Variants in TEX11 observed in about 807,000 individuals in gnomAD.
TEX11 encodes the protein testis expressed 11.
A neutral mutation model predicts 84.4 loss-of-function variants in TEX11; 7 were observed. The observed-to-expected ratio is 0.08, with a 90% CI of 0.05 to 0.16. The LOEUF is 0.16. Ranked by LOEUF, TEX11 falls within the 10% of genes least tolerant of loss-of-function variation. The probability of loss-of-function intolerance (pLI) is 1.00; values close to 1 mark genes in which losing one functional copy is unlikely to be tolerated. For synonymous variants in TEX11, 264 were observed against 222.8 expected, an observed-to-expected ratio of 1.18 and a Z score of -1.64; for missense variants, 551 against 660.5, an observed-to-expected ratio of 0.83 and a Z score of 1.82.
At chrX:70,782,576 C>T (rs1311460306) in intron 9 of TEX11, among the ~76,000 whole-genome samples, 2 of 96,155 alleles carry the variant, frequency 2.1e-5, no homozygotes, top group East Asian at 3.7e-4. Context: ...GGAGACCCAT[C>T]TTACGTGCAG....
chrX:70,565,250 G>GT (rs749188458), intron 25 of TEX11, among the ~76,000 whole-genome samples: 13,340 of 104,319 alleles, frequency 0.13, 725 homozygotes, highest in Middle Eastern at 0.2. Flanking sequence ...TTTTGATGGG[G>GT]TTTTTTTTTT....
rs779357743 is a variant in TEX11, at chrX:70,629,665, T to C, written c.1554A>G (p.Ala518=). The C allele has an allele frequency of 8.3e-7, 1 of 1,199,105 alleles. No homozygotes were observed. The highest frequency in any genetic ancestry group is 2.2e-5 in the Admixed American group (1 of 45,441). ...DEESEDNDLV[A]ERGSPTMLLS... Reference sequence around the variant, plus strand: ...GAAGCATGGTAGGTGAACCTCTCTCTGCAACTAGATCATTATCTTCTGACT... The same window carrying C: ...GAAGCATGGTAGGTGAACCTCTCTCCGCAACTAGATCATTATCTTCTGACT... The change falls in exon 18 of 30, where the codon GCA becomes GCG. Residue 518 remains alanine, a synonymous_variant. Coordinates refer to ENST00000374333, the MANE Select transcript of TEX11 (RefSeq NM_031276.3).
chrX:70,894,354 G>A (rs1478570400), intron 2 of TEX11, among the ~76,000 whole-genome samples: 4 of 110,414 alleles, frequency 3.6e-5, no homozygotes, highest in Non-Finnish European at 5.7e-5. Context: ...CAGGCCAGGC[G>A]CAGTGGCTCA....
At chrX:70,569,392 T>G (rs2088551374) in intron 25 of TEX11, among the ~76,000 whole-genome samples, 1 of 112,199 alleles carries the variant, frequency 8.9e-6, no homozygotes, top group Non-Finnish European at 1.9e-5. Context: ...GTCTGAAGCC[T>G]TCTTCTCTCA....
intron 8 of TEX11, among the ~76,000 whole-genome samples, chrX:70,828,481 T>C (rs73213084): frequency 0.083 from 9,072 of 109,205 alleles, 351 homozygotes; most frequent in African/African-American, 0.15. Context: ...AGCAGCAGAA[T>C]TGATCAAGCA....
intron 7 of TEX11, among the ~76,000 whole-genome samples, chrX:70,844,267 A>C (rs975654290): frequency 1.8e-5 from 2 of 109,974 alleles, no homozygotes; most frequent in Non-Finnish European, 1.9e-5. Context: ...TACACCATGG[A>C]ATACTATGCA....
chrX:70,744,214 C>G lies in TEX11; in HGVS notation c.698G>C (p.Ser233Thr). The G allele has an allele frequency of 5.3e-6, 5 of 941,702 alleles. No homozygotes were observed. Among genetic ancestry groups the G allele is most frequent in the Non-Finnish European group, 6.7e-6 (5 of 743,051 alleles). The allele number at this position is 941,702 out of a possible 1,213,427, so 77.6% of individuals were successfully genotyped here. ...CTTATCCATCTTCCCAATATCATAG[C>G]TTTGGCTATCATTAAAAAGGAAAAA... ...YEESSFWLSQ[S>T]YDIGKMDKKS... Residue 233 changes from serine to threonine, a missense_variant, in exon 10 of 30, where the codon AGC becomes ACC. By Grantham distance (58) the Ser-to-Thr change is moderately conservative (BLOSUM62 1). Coordinates refer to ENST00000374333, the MANE Select transcript of TEX11 (RefSeq NM_031276.3).
At chrX:70,745,609 C>G (rs933325046) in intron 9 of TEX11, among the ~76,000 whole-genome samples, 2 of 111,479 alleles carry the variant, frequency 1.8e-5, no homozygotes, top group African/African-American at 6.5e-5. Context: ...TGGCACATGC[C>G]TGTAATCTCA....
At chrX:70,812,935 T>C (rs1314316803) in intron 8 of TEX11, among the ~76,000 whole-genome samples, 2 of 111,351 alleles carry the variant, frequency 1.8e-5, no homozygotes, top group African/African-American at 6.5e-5. Context: ...TAACAGGCTC[T>C]AAAATTGAGG....
chrX:70,622,996 CTTTTG>C (rs749899631), intron 20 of TEX11, among the ~76,000 whole-genome samples: 1 of 111,940 alleles, frequency 8.9e-6, no homozygotes, highest in Admixed American at 9.5e-5. Flanking sequence ...ATTGCTTCAT[CTTTTG>C]TTTGGTTTGT....
At chrX:70,543,011 C>T (rs1453685054) in intron 28 of TEX11, among the ~76,000 whole-genome samples, 2 of 110,310 alleles carry the variant, frequency 1.8e-5, no homozygotes, top group East Asian at 2.9e-4. Context: ...GAAACCCCGT[C>T]TCTACTAAAA....
chrX:70,709,608 G>T (rs1875962901), intron 13 of TEX11, among the ~76,000 whole-genome samples: 1 of 111,196 alleles, frequency 9.0e-6, no homozygotes, highest in Non-Finnish European at 1.9e-5. Context: ...TAAGTTTATG[G>T]AAAAATAATA....
At chrX:70,882,549 G>A (rs921686112) in intron 2 of TEX11, among the ~76,000 whole-genome samples, 2 of 111,430 alleles carry the variant, frequency 1.8e-5, no homozygotes, top group Non-Finnish European at 3.8e-5. Flanking sequence ...GGGAGGCTGA[G>A]GCAGGTAGAT....
intron 11 of TEX11, among the ~76,000 whole-genome samples, chrX:70,737,828 T>C (rs1401845057): frequency 9.0e-6 from 1 of 111,016 alleles, no homozygotes; most frequent in African/African-American, 3.3e-5. Context: ...CGTGAAGAAA[T>C]TGCAACCCTT....
intron 20 of TEX11, among the ~76,000 whole-genome samples, chrX:70,621,026 T>C (rs1164169613): frequency 9.0e-6 from 1 of 111,130 alleles, no homozygotes; most frequent in African/African-American, 3.3e-5. Flanking sequence ...ACCCATAGAA[T>C]GTACAACATC....
At chrX:70,818,325 G>GAAA (rs2091300805) in intron 8 of TEX11, among the ~76,000 whole-genome samples, 3 of 109,270 alleles carry the variant, frequency 2.7e-5, no homozygotes, top group Admixed American at 9.8e-5. Context: ...AGAAGAAGAA[G>GAAA]AAGCTGAAGC....
intron 25 of TEX11, among the ~76,000 whole-genome samples, chrX:70,579,839 G>A (rs1357312903): frequency 8.9e-6 from 1 of 112,000 alleles, no homozygotes; most frequent in Non-Finnish European, 1.9e-5. Context: ...CCAAAAGATA[G>A]GCAAAAACAA....
intron 9 of TEX11, among the ~76,000 whole-genome samples, chrX:70,757,304 A>G (rs1371930188): frequency 9.0e-6 from 1 of 111,376 alleles, no homozygotes; most frequent in African/African-American, 3.3e-5. Flanking sequence ...GAGCAACCCC[A>G]AGACACACAA....
intron 25 of TEX11, among the ~76,000 whole-genome samples, chrX:70,584,232 G>A (rs1312408558): frequency 3.8e-5 from 4 of 106,325 alleles, no homozygotes; most frequent in East Asian, 2.9e-4. Flanking sequence ...GCAGTGAGCC[G>A]AGATTACGCC....
Sources: allele counts gnomAD v4.1 joint callset (sites outside exome capture counted in the v4.1 genomes callset), GRCh38; gene constraint gnomAD v4.1.1; transcripts MANE v1.5; gene names NCBI Gene and HGNC (gene_info 2026-07-23, HGNC 2026-07-21).